The following PTPRR variants were observed in gnomAD, a reference collection of about 807,000 sequenced individuals.
PTPRR encodes receptor-type tyrosine-protein phosphatase R.
In PTPRR, 38 loss-of-function variants were observed where a neutral mutation model predicts 77.2. That is an observed-to-expected ratio of 0.49 (90% CI 0.38 to 0.65). The LOEUF (loss-of-function observed/expected upper bound fraction) is 0.65, where lower values mean the gene tolerates loss of function less well. Among genes scored for constraint, PTPRR ranks in the 30% least tolerant of loss-of-function variants. PTPRR has a pLI of 0.00. For missense variants in PTPRR, 744 were observed against 799.2 expected (o/e 0.93, Z 0.83); for synonymous variants, 299 against 283.1 (o/e 1.06, Z -0.57).
chr12:70,699,139 T>C (rs1888334342), intron 7 of PTPRR, among the ~76,000 whole-genome samples: 1 of 152,182 alleles, frequency 6.6e-6, no homozygotes, highest in South Asian at 2.1e-4. Flanking sequence ...CAAACATTTG[T>C]TTAAAGATTT....
At chr12:70,691,257 G>A (rs768426787) in intron 8 of PTPRR, among the ~76,000 whole-genome samples, 19 of 152,066 alleles carry the variant, frequency 1.2e-4, no homozygotes, top group Non-Finnish European at 2.6e-4. Context: ...TCCCATTGTG[G>A]TATTTTTGTT....
chr12:70,729,200 T>G (rs1007330260), intron 6 of PTPRR, among the ~76,000 whole-genome samples: 22 of 152,180 alleles, frequency 1.4e-4, no homozygotes, highest in Admixed American at 4.6e-4. Flanking sequence ...GCATTTAAAC[T>G]TAAATGTATT....
chr12:70,804,983 A>T (rs1272448333), intron 2 of PTPRR, among the ~76,000 whole-genome samples: 1 of 152,210 alleles, frequency 6.6e-6, no homozygotes, highest in Non-Finnish European at 1.5e-5. Flanking sequence ...TATTTTATGT[A>T]TCTCTCCCCA....
intron 6 of PTPRR, among the ~76,000 whole-genome samples, chr12:70,742,300 T>G (rs145649522): frequency 4.6e-5 from 7 of 152,254 alleles, no homozygotes; most frequent in Admixed American, 3.3e-4. Context: ...GCAAAAAAGC[T>G]TAGGTTGAGT....
intron 8 of PTPRR, among the ~76,000 whole-genome samples, chr12:70,691,385 C>A (rs1416373897): frequency 6.6e-6 from 1 of 152,170 alleles, no homozygotes; most frequent in African/African-American, 2.4e-5. Context: ...TCGGTGGCCT[C>A]TTTCCAATCT....
intron 1 of PTPRR, among the ~76,000 whole-genome samples, chr12:70,896,564 G>T (rs1169229611): frequency 6.6e-6 from 1 of 151,490 alleles, no homozygotes; most frequent in Non-Finnish European, 1.5e-5. Context: ...ATCAGTAACA[G>T]AAAGAAAAGA....
chr12:70,677,886 G>A (rs1290074442), intron 10 of PTPRR, among the ~76,000 whole-genome samples: 1 of 152,134 alleles, frequency 6.6e-6, no homozygotes, highest in African/African-American at 2.4e-5. Flanking sequence ...GTCCTTGTCT[G>A]GTTTGGGTGC....
At chr12:70,758,369 C>A (rs983126356) in intron 4 of PTPRR, among the ~76,000 whole-genome samples, 1 of 150,178 alleles carries the variant, frequency 6.7e-6, no homozygotes, top group African/African-American at 2.5e-5. Context: ...GCTTTAAAGC[C>A]AGCTCTTTTT....
intron 2 of PTPRR, among the ~76,000 whole-genome samples, chr12:70,868,114 G>A (rs1045875175): frequency 1.3e-5 from 2 of 152,002 alleles, no homozygotes; most frequent in African/African-American, 2.4e-5. Context: ...TACCATTCAC[G>A]ACATAGGCAT....
chr12:70,722,739 T>G (rs1889302026), intron 6 of PTPRR, among the ~76,000 whole-genome samples: 1 of 152,126 alleles, frequency 6.6e-6, no homozygotes, highest in Non-Finnish European at 1.5e-5. Context: ...AGAGGCCTGT[T>G]AAAAAGCTTA....
intron 2 of PTPRR, among the ~76,000 whole-genome samples, chr12:70,780,307 G>T (rs189004872): frequency 6.6e-6 from 1 of 152,204 alleles, no homozygotes; most frequent in Admixed American, 6.5e-5. Flanking sequence ...ACTTTTAGTA[G>T]GCAATATCAA....
At chr12:70,708,195 A>C (rs1888687823) in intron 6 of PTPRR, among the ~76,000 whole-genome samples, 2 of 152,128 alleles carry the variant, frequency 1.3e-5, no homozygotes, top group Admixed American at 1.3e-4. Flanking sequence ...AAAGACTTTG[A>C]CTTGAGTTCT....
At chr12:70,746,451 A>G (rs1346602254) in intron 5 of PTPRR, among the ~76,000 whole-genome samples, 1 of 152,202 alleles carries the variant, frequency 6.6e-6, no homozygotes, top group Non-Finnish European at 1.5e-5. Context: ...TATGACATTT[A>G]TAGAAATGGA....
At chr12:70,773,387 T>C (rs919527158) in intron 2 of PTPRR, among the ~76,000 whole-genome samples, 6 of 152,178 alleles carry the variant, frequency 3.9e-5, no homozygotes, top group Non-Finnish European at 7.3e-5. Context: ...AGCCAGAGAA[T>C]TGACCAAGAA....
chr12:70,872,188 G>C (rs1019552700), intron 2 of PTPRR, among the ~76,000 whole-genome samples: 1 of 151,918 alleles, frequency 6.6e-6, no homozygotes, highest in Admixed American at 6.5e-5. Flanking sequence ...ATTACATTTA[G>C]ATATAACTTT....
At chr12:70,723,425 AG>A (rs1412935937) in intron 6 of PTPRR, among the ~76,000 whole-genome samples, 1 of 152,198 alleles carries the variant, frequency 6.6e-6, no homozygotes, top group Non-Finnish European at 1.5e-5. Context: ...ATCATTAAAA[AG>A]GACACAATTC....
At chr12:70,769,307 C>A (rs955500137) in intron 2 of PTPRR, among the ~76,000 whole-genome samples, 6 of 151,216 alleles carry the variant, frequency 4.0e-5, no homozygotes, top group Non-Finnish European at 8.8e-5. Flanking sequence ...GCAACTTCAG[C>A]AAAGTCTCAG....
At chr12:70,821,212 G>GTTTTTTTTTTTTTTTTT (rs1252907478) in intron 2 of PTPRR, among the ~76,000 whole-genome samples, 4 of 44,546 alleles carry the variant, frequency 9.0e-5, no homozygotes, top group Admixed American at 3.2e-4. Context: ...AGGGATCACT[G>GTTTTTTTTTTTTTTTTT]CTTTTTTTTT....
intron 1 of PTPRR, among the ~76,000 whole-genome samples, chr12:70,897,851 T>C (rs971995996): frequency 2.6e-5 from 4 of 151,934 alleles, no homozygotes; most frequent in Non-Finnish European, 4.4e-5. Context: ...TCATGTCCTT[T>C]GTAGGGACAT....
Sources: allele counts gnomAD v4.1 joint callset (sites outside exome capture counted in the v4.1 genomes callset), GRCh38; gene constraint gnomAD v4.1.1; transcripts MANE v1.5; gene names NCBI Gene and HGNC (gene_info 2026-07-23, HGNC 2026-07-21).